PPFIBP1: variants seen among roughly 807,000 people sequenced by gnomAD.
PPFIBP1 encodes the protein PPFIB scaffold protein 1, also known as liprin-beta-1.
Under a neutral mutation model 137.8 loss-of-function variants are expected in PPFIBP1, and 112 were observed. The ratio of observed to expected loss-of-function variants is 0.81; its 90% CI spans 0.70 to 0.95. PPFIBP1 has a LOEUF of 0.95. Among genes scored for constraint, PPFIBP1 ranks in the 40% least tolerant of loss-of-function variants. The pLI is 0.00. For synonymous variants in PPFIBP1, 378 were observed against 417.3 expected (o/e 0.91, Z 1.15); for missense variants, 1,083 against 1,196.6 (o/e 0.91, Z 1.40).
chr12:27,540,223 A>ATTT (rs549113210), intron 1 of PPFIBP1, among the ~76,000 whole-genome samples: 4 of 146,240 alleles, frequency 2.7e-5, no homozygotes, highest in Non-Finnish European at 3.0e-5. Flanking sequence ...TGTCTGGCTA[A>ATTT]TTTTTTTTTT....
intron 2 of PPFIBP1, among the ~76,000 whole-genome samples, chr12:27,625,935 T>A (rs560168094): frequency 6.6e-6 from 1 of 152,076 alleles, no homozygotes; most frequent in Non-Finnish European, 1.5e-5. Context: ...GAGGATCACT[T>A]AAGCCCAGGA....
At position 27,667,256 on chromosome 12, in the gene PPFIBP1, C is replaced by T; in HGVS notation, c.1082C>T (p.Pro361Leu). ...AQGFSDLEKS[P>L]SPTPVMGSPS... ...GGTTTCAGTGATCTGGAGAAAAGTC[C>T]ATCACCCACTCCAGTAATGGGATCT... Residue 361 changes from proline to leucine, a missense_variant, in exon 13 of 30, where the codon CCA (proline) becomes CTA (leucine). By Grantham distance (98) the Pro-to-Leu change is moderately conservative. Coordinates refer to ENST00000228425, the MANE Select transcript of PPFIBP1 (RefSeq NM_003622.4). The T allele has an allele frequency of 7.4e-6, 12 of 1,613,778 alleles. No individual in the cohort carries two copies. The highest frequency in any genetic ancestry group is 1.0e-5 in the Non-Finnish European group (12 of 1,179,780).
In PPFIBP1 at chr12:27,646,363, T is replaced by C. The variant is rs1218006664; in HGVS notation, c.357+215T>C. The stretch of plus-strand genomic sequence containing the variant: ...AGCTACCATTAATCATCCTCAGCTC[T>C]TGCAGGACCAGTCTGAATACGGGCA... On this transcript the variant is annotated intron_variant, in intron 5 of 29. Transcript: ENST00000228425. 1.6e-4 allele frequency: 93 copies of C among 583,578 alleles called. 1 individual carries two copies. The highest frequency in any genetic ancestry group is 1.4e-3 in the South Asian group (92 of 65,132). 36.1% of individuals were successfully genotyped at this position (583,578 alleles called of 1,614,324 possible).
intron 27 of PPFIBP1, among the ~76,000 whole-genome samples, chr12:27,689,954 G>T (rs11831948): frequency 2.0e-5 from 3 of 152,160 alleles, no homozygotes; most frequent in African/African-American, 7.2e-5. Context: ...TGATTACTGG[G>T]CGTCTTAAGG....
At chr12:27,664,874 G>A (rs1010619177) in intron 12 of PPFIBP1, among the ~76,000 whole-genome samples, 1 of 152,094 alleles carries the variant, frequency 6.6e-6, no homozygotes, top group Admixed American at 6.5e-5. Context: ...AAGTGCAGAG[G>A]GACTCACTGA....
At position 27,694,968 on chromosome 12, in the gene PPFIBP1, A is replaced by G. The variant is rs1291603691; in HGVS notation, c.*2086A>G. The G allele has an allele frequency of 6.6e-6, 1 of 152,120 alleles. No individual in the cohort carries two copies. The highest frequency in any genetic ancestry group is 6.5e-5 in the Admixed American group (1 of 15,272). 9.4% of individuals were successfully genotyped at this position (152,120 alleles called of 1,614,324 possible). ...AACAATTGATTTGATGCTAATAATAATTTTCTTTAAACTCTACCATTCATT... is the reference window on the plus strand; with the variant it reads ...AACAATTGATTTGATGCTAATAATAGTTTTCTTTAAACTCTACCATTCATT... On this transcript the variant is annotated 3_prime_UTR_variant, in exon 30 of 30. Coordinates refer to ENST00000228425, the MANE Select transcript of PPFIBP1 (RefSeq NM_003622.4).
chr12:27,680,378 G>A (rs922782055), intron 21 of PPFIBP1, among the ~76,000 whole-genome samples: 3 of 152,158 alleles, frequency 2.0e-5, no homozygotes, highest in African/African-American at 4.8e-5. Flanking sequence ...AGATGGGATA[G>A]CATAGTGGTT....
chr12:27,571,422 G>T (rs1388069916), intron 1 of PPFIBP1, among the ~76,000 whole-genome samples: 1 of 152,050 alleles, frequency 6.6e-6, no homozygotes, highest in Non-Finnish European at 1.5e-5. Flanking sequence ...TATCAATCTG[G>T]TCCGTGGTAA....
intron 6 of PPFIBP1, among the ~76,000 whole-genome samples, chr12:27,649,261 C>T (rs1421221677): frequency 1.3e-5 from 2 of 152,144 alleles, no homozygotes; most frequent in East Asian, 3.8e-4. Flanking sequence ...CCCTGTATGA[C>T]ATTAGGCCAG....
At chr12:27,655,195 A>G in intron 8 of PPFIBP1, 11 of 1,535,994 alleles carry the variant, frequency 7.2e-6, no homozygotes, top group Non-Finnish European at 9.6e-6. Flanking sequence ...CAGATGCAGT[A>G]TGAAAAGCAG....
intron 2 of PPFIBP1, among the ~76,000 whole-genome samples, chr12:27,627,915 T>C (rs1306914906): frequency 6.7e-6 from 1 of 149,948 alleles, no homozygotes; most frequent in East Asian, 2.0e-4. Flanking sequence ...TATTAAGCCA[T>C]TGGAATAGGA....
chr12:27,543,775 G>A (rs1565736743), intron 1 of PPFIBP1, among the ~76,000 whole-genome samples: 2 of 151,750 alleles, frequency 1.3e-5, no homozygotes. Context: ...AGTGCAGGAC[G>A]TTGTGAAATG....
rs183112733 is a variant in PPFIBP1 at position 27,647,207 on chromosome 12, G to A, written c.358-522G>A. On this transcript the variant is annotated intron_variant, in intron 5 of 29. Coordinates refer to ENST00000228425, the MANE Select transcript of PPFIBP1 (RefSeq NM_003622.4). ...GTAGAGATGGGGTTTCACCGTGTTG[G>A]CCAGGCTGGTCTTGAACTCCTGACT... 1.5e-3 allele frequency among the ~76,000 whole-genome samples: 224 copies of A among 152,036 alleles called. 3 individuals are homozygous for A. The highest frequency in any genetic ancestry group is 4.8e-3 in the African/African-American group (197 of 41,462).
chr12:27,524,909 T>G (rs1943552549), intron 1 of PPFIBP1, among the ~76,000 whole-genome samples: 1 of 152,202 alleles, frequency 6.6e-6, no homozygotes, highest in Non-Finnish European at 1.5e-5. Context: ...TGTTTATTAA[T>G]TATGAGCTTG....
chr12:27,655,751 C>T lies in PPFIBP1; in HGVS notation c.697-865C>T, dbSNP rs143366526. 3.8e-3 allele frequency among the ~76,000 whole-genome samples: 579 copies of T among 152,274 alleles called. 7 individuals carry two copies. Among genetic ancestry groups the T allele is most frequent in the African/African-American group, 0.011 (441 of 41,552 alleles). ...GAAGTCAAAACTATAGGGCCAAGTGCCTCACTTCATTGGAGAACTACATCT... is the reference window on the plus strand; with the variant it reads ...GAAGTCAAAACTATAGGGCCAAGTGTCTCACTTCATTGGAGAACTACATCT... On this transcript the variant is annotated intron_variant, in intron 8 of 29. Coordinates refer to ENST00000228425, the MANE Select transcript of PPFIBP1 (RefSeq NM_003622.4).
Position 27,584,819 on chromosome 12 carries a change from A to G in PPFIBP1, c.-36+6580A>G, listed in dbSNP as rs145751191. On this transcript the variant is annotated intron_variant, in intron 2 of 29. Transcript: ENST00000228425. ...TTAGAGAATGGGAACAACATCACGT[A>G]TCCCCATGTCCTTGGCATGAAAGGT... is the stretch of plus-strand genomic sequence containing the variant. Among the ~76,000 whole-genome samples, 10 of 152,360 alleles carry G rather than the reference A, an allele frequency of 6.6e-5. No individual in the cohort carries two copies. The East Asian group carries it at 1.7e-3, about 26-fold the overall frequency.
At chr12:27,653,821 G>T (rs2059029305) in intron 7 of PPFIBP1, among the ~76,000 whole-genome samples, 1 of 152,100 alleles carries the variant, frequency 6.6e-6, no homozygotes, top group Admixed American at 6.5e-5. Context: ...AAATAAAGTG[G>T]CAGTAGAAAA....
chr12:27,565,701 T>G (rs2049588744), intron 1 of PPFIBP1, among the ~76,000 whole-genome samples: 1 of 152,182 alleles, frequency 6.6e-6, no homozygotes, highest in South Asian at 2.1e-4. Flanking sequence ...TTATAAACAG[T>G]GAAGGGGTCT....
chr12:27,657,627 C>A (rs2059289292), intron 9 of PPFIBP1, among the ~76,000 whole-genome samples: 1 of 151,986 alleles, frequency 6.6e-6, no homozygotes, highest in Non-Finnish European at 1.5e-5. Context: ...AATACCATGG[C>A]CTTATACCCC....
Sources: allele counts gnomAD v4.1 joint callset (sites outside exome capture counted in the v4.1 genomes callset), GRCh38; gene constraint gnomAD v4.1.1; transcripts MANE v1.5; gene names NCBI Gene and HGNC (gene_info 2026-07-23, HGNC 2026-07-21).